The following CBFB variants were observed in gnomAD, a reference collection of about 807,000 sequenced individuals.
CBFB encodes the protein CBF-beta.
CBFB carries 9 observed loss-of-function variants against 30.4 expected under a neutral mutation model. The observed-to-expected ratio is 0.30, with a 90% confidence interval of 0.18 to 0.52. CBFB has a LOEUF of 0.52. Among genes scored for constraint, CBFB ranks in the 20% least tolerant of loss-of-function variants. CBFB has a pLI of 0.97. For missense variants in CBFB, 170 were observed against 244.0 expected, an observed-to-expected ratio of 0.70 and a Z score of 2.02; for synonymous variants, 94 against 84.0, an observed-to-expected ratio of 1.12 and a Z score of -0.65.
At chr16:67,050,674 T>C (rs1170965700) in intron 3 of CBFB, among the ~76,000 whole-genome samples, 1 of 152,096 alleles carries the variant, frequency 6.6e-6, no homozygotes, top group African/African-American at 2.4e-5. Flanking sequence ...GCACCTGTAG[T>C]CCTAGCTATT....
At chr16:67,041,745 T>C (rs2145719942) in intron 3 of CBFB, among the ~76,000 whole-genome samples, 2 of 151,006 alleles carry the variant, frequency 1.3e-5, no homozygotes, top group South Asian at 4.2e-4. Flanking sequence ...GGTGGGAGCT[T>C]GTTATTGCAG....
chr16:67,070,148 A>G (rs747014174), intron 4 of CBFB, among the ~76,000 whole-genome samples: 3 of 152,260 alleles, frequency 2.0e-5, no homozygotes, highest in Non-Finnish European at 4.4e-5. Context: ...TTCTTTATAT[A>G]TGGAAATGTA....
chr16:67,035,468 C>T (rs1271324435), intron 2 of CBFB, among the ~76,000 whole-genome samples: 1 of 152,146 alleles, frequency 6.6e-6, no homozygotes, highest in African/African-American at 2.4e-5. Context: ...GAAAATGGTA[C>T]CCCAGTTGAT....
chr16:67,066,542 A>G, intron 3 of CBFB, 140 bp from the exon 4 acceptor site: 3 of 486,650 alleles, frequency 6.2e-6, no homozygotes, highest in South Asian at 2.1e-5. Context: ...CCTGGGGAGC[A>G]CAGCGAAACT....
At chr16:67,043,099 G>A (rs1285222011) in intron 3 of CBFB, among the ~76,000 whole-genome samples, 2 of 152,110 alleles carry the variant, frequency 1.3e-5, no homozygotes, top group African/African-American at 4.8e-5. Context: ...TATTATTTGA[G>A]TCACTTGTTG....
chr16:67,031,250 AAG>A (rs568587081), intron 2 of CBFB, among the ~76,000 whole-genome samples: 42 of 152,366 alleles, frequency 2.8e-4, no homozygotes, highest in African/African-American at 9.6e-4. Flanking sequence ...CATGTTATGA[AAG>A]AGAGTCTCAA....
intron 5 of CBFB, chr16:67,093,454 C>T (rs954438397): frequency 1.3e-5 from 2 of 149,842 alleles, no homozygotes; most frequent in Non-Finnish European, 3.0e-5. Context: ...TCTGGATACC[C>T]CCTCCTCGTG....
intron 5 of CBFB, among the ~76,000 whole-genome samples, chr16:67,084,020 T>C (rs1961642857): frequency 6.6e-6 from 1 of 151,674 alleles, no homozygotes; most frequent in South Asian, 2.1e-4. Context: ...AATAAAAAAT[T>C]AGCCAGCATG....
At position 67,098,744 on chromosome 16, in the gene CBFB, A is replaced by G. The variant is rs753786869; in HGVS notation, c.530A>G (p.Asn177Ser). 2.7e-5 allele frequency: 43 copies of G among 1,610,824 alleles called. No homozygotes were observed. The highest frequency in any genetic ancestry group is 3.7e-5 in the Non-Finnish European group (43 of 1,177,110). ...RRQQDPSPGS[N>S]LGGGDDLKLR ...CAACAAGACCCTAGTCCTGGTTCCA[A>G]TTTAGGTGGTGGTGATGACCTCAAA... Residue 177 changes from asparagine to serine, a missense_variant, in exon 6 of 6, where the codon AAT (asparagine) becomes AGT (serine). By Grantham distance (46) the Asn-to-Ser change is conservative (BLOSUM62 1). Transcript: ENST00000412916.
intron 2 of CBFB, among the ~76,000 whole-genome samples, chr16:67,035,270 A>C (rs1966424682): frequency 6.6e-6 from 1 of 152,054 alleles, no homozygotes; most frequent in African/African-American, 2.4e-5. Flanking sequence ...TTTTTAGTAG[A>C]GACAGGGTTT....
chr16:67,036,372 A>G, intron 2 of CBFB: 1 of 368,932 alleles, frequency 2.7e-6, no homozygotes, highest in East Asian at 4.2e-5. Context: ...GTGAGATCCT[A>G]ACGTCAGCAA....
chr16:67,079,576 T>C (rs893619559), intron 4 of CBFB, among the ~76,000 whole-genome samples: 2 of 147,842 alleles, frequency 1.4e-5, no homozygotes, highest in African/African-American at 5.0e-5. Context: ...ATCTTGCTGC[T>C]GTACCATGCT....
intron 5 of CBFB, among the ~76,000 whole-genome samples, chr16:67,089,344 A>G (rs968735760): frequency 6.6e-6 from 1 of 152,188 alleles, no homozygotes; most frequent in Non-Finnish European, 1.5e-5. Flanking sequence ...ATATCTAAGA[A>G]ACTGGAACTA....
At chr16:67,083,939 T>TG (rs904350341) in intron 5 of CBFB, among the ~76,000 whole-genome samples, 2 of 151,342 alleles carry the variant, frequency 1.3e-5, no homozygotes, top group African/African-American at 4.9e-5. Context: ...GAGGCTGAGG[T>TG]GGGAGGATTG....
chr16:67,075,197 A>AAATG (rs1555538290), intron 4 of CBFB, among the ~76,000 whole-genome samples: 2 of 142,662 alleles, frequency 1.4e-5, no homozygotes, highest in Non-Finnish European at 3.1e-5. Flanking sequence ...CTCAAAAAAA[A>AAATG]TGTGTGTGTG....
intron 2 of CBFB, among the ~76,000 whole-genome samples, chr16:67,031,038 C>G (rs1293365262): frequency 6.6e-6 from 1 of 152,208 alleles, no homozygotes; most frequent in Non-Finnish European, 1.5e-5. Context: ...TGGAAATTTA[C>G]TTCTCCCACC....
At chr16:67,029,934 A>G in intron 2 of CBFB, 121 bp downstream of exon 2, 2 of 565,944 alleles carry the variant, frequency 3.5e-6, no homozygotes, top group South Asian at 3.1e-5. Flanking sequence ...GCGCCGTCTC[A>G]CTTCCTACTC....
At chr16:67,032,060 A>AG in intron 2 of CBFB, among the ~76,000 whole-genome samples, 1 of 152,288 alleles carries the variant, frequency 6.6e-6, no homozygotes. Context: ...AATCATAGCT[A>AG]GTAGGGTGTT....
At chr16:67,079,515 C>CTTTTTTTTT (rs34164177) in intron 4 of CBFB, among the ~76,000 whole-genome samples, 2 of 98,678 alleles carry the variant, frequency 2.0e-5, no homozygotes, top group Non-Finnish European at 4.0e-5. Flanking sequence ...GGCCCTGGGT[C>CTTTTTTTTT]TTTTTTTTTT....
Sources: gnomAD v4.1 joint callset for allele counts (sites outside exome capture counted in the v4.1 genomes callset) on GRCh38, gnomAD v4.1.1 for gene constraint, MANE v1.5 for transcripts, NCBI Gene and HGNC (gene_info 2026-07-23, HGNC 2026-07-21) for gene names.